Variants in AGBL4 observed in about 807,000 individuals in gnomAD.
AGBL4 encodes AGBL carboxypeptidase 4, also known as cytosolic carboxypeptidase 6.
A neutral mutation model predicts 66.4 loss-of-function variants in AGBL4; 58 were observed. The observed-to-expected ratio is 0.87, with a 90% CI of 0.71 to 1.09. The LOEUF is 1.09. Among genes scored for constraint, AGBL4 ranks in the 50% least tolerant of loss-of-function variants. The pLI is 0.00. For missense variants in AGBL4, 579 were observed against 631.0 expected (o/e 0.92, Z 0.88); for synonymous variants, 234 against 222.9 (o/e 1.05, Z -0.44).
chr1:49,800,130 T>C (rs1419926154), intron 2 of AGBL4, among the ~76,000 whole-genome samples: 1 of 152,202 alleles, frequency 6.6e-6, no homozygotes, highest in Non-Finnish European at 1.5e-5. Context: ...CCATGATCTT[T>C]ACCTCTTGGT....
At chr1:48,822,341 G>A (rs1423391696) in intron 6 of AGBL4, among the ~76,000 whole-genome samples, 2 of 152,140 alleles carry the variant, frequency 1.3e-5, no homozygotes, top group Non-Finnish European at 2.9e-5. Flanking sequence ...TGCTAAAGAA[G>A]ACTAAAAAGG....
At chr1:49,642,817 T>C (rs895733083) in intron 3 of AGBL4, among the ~76,000 whole-genome samples, 10 of 151,988 alleles carry the variant, frequency 6.6e-5, no homozygotes, top group Non-Finnish European at 1.0e-4. Flanking sequence ...TCTGAAAGGA[T>C]TAACTGTTTG....
intron 3 of AGBL4, among the ~76,000 whole-genome samples, chr1:49,627,426 C>T (rs1645485690): frequency 6.6e-6 from 1 of 152,030 alleles, no homozygotes; most frequent in Admixed American, 6.6e-5. Flanking sequence ...GTGCCTACTC[C>T]CATTTATCCA....
rs199815980 is a variant in AGBL4 at position 49,559,329 on chromosome 1, T to C, written c.282+137984A>G. ...ATCTTGTACAAGACTATCAAGGCAG[T>C]ACCCTCTATGAGTCTGCAAGAACCA... On this transcript the variant is annotated intron_variant, in intron 3 of 13. Transcript: ENST00000371839. Among the ~76,000 whole-genome samples, 4 of 152,152 alleles carry C rather than the reference T, an allele frequency of 2.6e-5. No individual in the cohort carries two copies. The East Asian group carries it at 7.7e-4, about 29-fold the overall frequency.
intron 6 of AGBL4, among the ~76,000 whole-genome samples, chr1:48,829,840 G>A (rs1558024153): frequency 1.3e-5 from 2 of 152,004 alleles, no homozygotes; most frequent in Admixed American, 1.3e-4. Context: ...GTACTGTTCT[G>A]TTGATTTCTA....
chr1:49,096,677 T>C (rs1319736847), intron 4 of AGBL4, among the ~76,000 whole-genome samples: 1 of 104,060 alleles, frequency 9.6e-6, no homozygotes, highest in Non-Finnish European at 1.8e-5. Flanking sequence ...CATCACACAC[T>C]GGGGCCTGTT....
At chr1:49,592,139 A>T (rs753481388) in intron 3 of AGBL4, among the ~76,000 whole-genome samples, 61 of 152,348 alleles carry the variant, frequency 4.0e-4, no homozygotes, top group Admixed American at 1.4e-3. Context: ...CTGCCAATAG[A>T]ATAAACAGAC....
In AGBL4 at chr1:49,314,864, C is replaced by T. The variant is rs1036526388; in HGVS notation, c.283-69000G>A. ...TCCCACCAACAGTGTAAAAGCATTC[C>T]TATTTCTCCAGATCTTCTCCAGCAT... On this transcript the variant is annotated intron_variant, in intron 3 of 13. Transcript: ENST00000371839. 3.3e-5 allele frequency among the ~76,000 whole-genome samples: 5 copies of T among 152,172 alleles called. No individual in the cohort carries two copies. The South Asian group carries it at 8.3e-4, about 25-fold the overall frequency.
intron 3 of AGBL4, among the ~76,000 whole-genome samples, chr1:49,450,957 C>T (rs938065143): frequency 5.9e-5 from 9 of 152,080 alleles, no homozygotes; most frequent in South Asian, 4.2e-4. Flanking sequence ...GTCAGAAATT[C>T]GGCATGATAT....
chr1:49,957,927 G>A (rs1042166525), intron 1 of AGBL4, among the ~76,000 whole-genome samples: 9 of 152,038 alleles, frequency 5.9e-5, no homozygotes, highest in South Asian at 4.2e-4. Context: ...TATTTTGCTC[G>A]TTAGTTGATG....
At chr1:48,957,987 G>C (rs1657626394) in intron 5 of AGBL4, among the ~76,000 whole-genome samples, 1 of 151,976 alleles carries the variant, frequency 6.6e-6, no homozygotes, top group Non-Finnish European at 1.5e-5. Context: ...ACTTCTGCAG[G>C]CTTGTTTTTT....
intron 3 of AGBL4, among the ~76,000 whole-genome samples, chr1:49,306,093 G>T (rs2148452707): frequency 6.6e-6 from 1 of 152,250 alleles, no homozygotes; most frequent in Non-Finnish European, 1.5e-5. Context: ...TTTTTCATCT[G>T]AATGGTTTTA....
intron 5 of AGBL4, among the ~76,000 whole-genome samples, chr1:48,968,587 T>G (rs1658640709): frequency 1.3e-5 from 2 of 152,114 alleles, no homozygotes; most frequent in African/African-American, 4.8e-5. Context: ...CTCTCCCATT[T>G]TACTTAACTC....
At chr1:49,628,390 A>T (rs1219468250) in intron 3 of AGBL4, among the ~76,000 whole-genome samples, 1 of 152,202 alleles carries the variant, frequency 6.6e-6, no homozygotes, top group Admixed American at 6.5e-5. Context: ...CAGAGCATAT[A>T]TGTATGGAAT....
intron 1 of AGBL4, among the ~76,000 whole-genome samples, chr1:49,968,248 G>GA (rs1038176316): frequency 6.7e-6 from 1 of 149,568 alleles, no homozygotes; most frequent in Non-Finnish European, 1.5e-5. Context: ...GCATTTCCTT[G>GA]AAAAAAATCT....
intron 6 of AGBL4, among the ~76,000 whole-genome samples, chr1:48,746,806 G>A (rs765211594): frequency 6.6e-6 from 1 of 152,206 alleles, no homozygotes; most frequent in Non-Finnish European, 1.5e-5. Flanking sequence ...GTCTCTGGAA[G>A]AGCCTAGCAC....
intron 6 of AGBL4, among the ~76,000 whole-genome samples, chr1:48,725,113 A>G (rs1647212808): frequency 6.6e-6 from 1 of 152,172 alleles, no homozygotes; most frequent in Non-Finnish European, 1.5e-5. Flanking sequence ...CTTAAGAAGA[A>G]ATTTACTCTC....
intron 1 of AGBL4, chr1:50,017,493 T>A (rs1396962888): frequency 6.6e-6 from 1 of 152,156 alleles, no homozygotes; most frequent in Non-Finnish European, 1.5e-5. Context: ...AATCCTAGCC[T>A]ACTCCTCAAT....
intron 12 of AGBL4, among the ~76,000 whole-genome samples, 179 bp downstream of exon 12, chr1:48,539,459 CACTT>C (rs1428442521): frequency 1.3e-5 from 2 of 152,084 alleles, no homozygotes; most frequent in Admixed American, 6.6e-5. Flanking sequence ...CCCTTAATGA[CACTT>C]TCTTTATGCT....
Sources: allele counts gnomAD v4.1 joint callset (sites outside exome capture counted in the v4.1 genomes callset), GRCh38; gene constraint gnomAD v4.1.1; transcripts MANE v1.5; gene names NCBI Gene and HGNC (gene_info 2026-07-23, HGNC 2026-07-21).